The following MGAT4C variants were observed in gnomAD, a reference collection of about 807,000 sequenced individuals.
MGAT4C encodes MGAT4 family member C, also known as alpha-1,3-mannosyl-glycoprotein 4-beta-N-acetylglucosaminyltransferase C.
MGAT4C carries 19 observed loss-of-function variants against 40.1 expected under a neutral mutation model. That is an observed-to-expected ratio of 0.47 (90% confidence interval 0.33 to 0.70). The LOEUF is 0.70. MGAT4C is among the 30% of genes least tolerant of loss of function. The pLI, the probability that MGAT4C is intolerant of heterozygous loss-of-function variation, is 0.02. For missense variants in MGAT4C, 491 were observed against 563.2 expected (o/e 0.87, Z 1.30); for synonymous variants, 181 against 187.1 (o/e 0.97, Z 0.27).
At chr12:86,501,331 ATTTAT>A (rs1049914705) in intron 2 of MGAT4C, among the ~76,000 whole-genome samples, 26 of 152,036 alleles carry the variant, frequency 1.7e-4, no homozygotes, top group East Asian at 1.4e-3. Flanking sequence ...ATGTATTGTT[ATTTAT>A]TTTATTTTAT....
chr12:86,171,976 T>C (rs1483286027), intron 1 of MGAT4C, among the ~76,000 whole-genome samples: 1 of 152,238 alleles, frequency 6.6e-6, no homozygotes, highest in African/African-American at 2.4e-5. Context: ...TGAGCGAGAC[T>C]GGCTTTATAA....
At chr12:86,111,346 C>T (rs1471961670) in intron 1 of MGAT4C, among the ~76,000 whole-genome samples, 2 of 151,740 alleles carry the variant, frequency 1.3e-5, no homozygotes, top group Non-Finnish European at 3.0e-5. Context: ...ATGCAAATAA[C>T]ATCATATCTC....
chr12:86,744,919 T>A (rs1032878357), intron 1 of MGAT4C: 25 of 151,586 alleles, frequency 1.6e-4, no homozygotes, highest in African/African-American at 5.3e-4. Flanking sequence ...AAAATGTGTA[T>A]TGGTTCTGGG....
chr12:86,491,803 A>C (rs1958142175), intron 2 of MGAT4C, among the ~76,000 whole-genome samples: 2 of 151,720 alleles, frequency 1.3e-5, no homozygotes, highest in Non-Finnish European at 2.9e-5. Flanking sequence ...CAGGGCAATT[A>C]GGCAGGAGAA....
chr12:86,643,051 C>T (rs1163892689), intron 2 of MGAT4C, among the ~76,000 whole-genome samples: 2 of 151,602 alleles, frequency 1.3e-5, no homozygotes, highest in Non-Finnish European at 2.9e-5. Flanking sequence ...TGTGCTGTTA[C>T]AGCAGAATAC....
chr12:86,289,791 T>A (rs1953458592), intron 4 of MGAT4C, among the ~76,000 whole-genome samples: 1 of 152,208 alleles, frequency 6.6e-6, no homozygotes, highest in South Asian at 2.1e-4. Flanking sequence ...TATTTTGCTT[T>A]ACTATTTTTA....
intron 4 of MGAT4C, among the ~76,000 whole-genome samples, chr12:86,306,026 T>A (rs1178861072): frequency 6.6e-6 from 1 of 150,560 alleles, no homozygotes; most frequent in Non-Finnish European, 1.5e-5. Flanking sequence ...TCGAGGAAGA[T>A]GGAAAGATAC....
intron 2 of MGAT4C, chr12:86,015,781 T>C (rs771488389): frequency 2.0e-5 from 3 of 152,210 alleles, no homozygotes; most frequent in Non-Finnish European, 2.9e-5. Context: ...ATCTCACATA[T>C]TTTGTAAATG....
At chr12:86,393,402 C>T (rs1011628767) in intron 3 of MGAT4C, among the ~76,000 whole-genome samples, 1 of 152,064 alleles carries the variant, frequency 6.6e-6, no homozygotes, top group African/African-American at 2.4e-5. Flanking sequence ...GGAAGGAATA[C>T]AAGGGATCAT....
chr12:86,730,404 A>AC (rs1950888984), intron 1 of MGAT4C, among the ~76,000 whole-genome samples: 1 of 151,630 alleles, frequency 6.6e-6, no homozygotes. Context: ...AGAAGAAAAA[A>AC]CATGTACAAA....
At chr12:86,541,869 T>C (rs538215486) in intron 2 of MGAT4C, among the ~76,000 whole-genome samples, 1 of 152,304 alleles carries the variant, frequency 6.6e-6, no homozygotes, top group South Asian at 2.1e-4. Flanking sequence ...CCAAATAAAT[T>C]CTATTTCTGT....
intron 1 of MGAT4C, among the ~76,000 whole-genome samples, chr12:86,767,349 C>A (rs900928714): frequency 3.3e-5 from 5 of 152,226 alleles, no homozygotes; most frequent in African/African-American, 7.2e-5. Flanking sequence ...CCAAAACAGG[C>A]TCTGAAATTG....
At chr12:86,658,887 A>G (rs574088077) in intron 2 of MGAT4C, among the ~76,000 whole-genome samples, 78 of 152,196 alleles carry the variant, frequency 5.1e-4, no homozygotes, top group African/African-American at 1.7e-3. Flanking sequence ...GCATCTTCAC[A>G]TTGTTGCCGA....
chr12:86,488,678 T>G (rs1408511802), intron 2 of MGAT4C, among the ~76,000 whole-genome samples: 1 of 152,176 alleles, frequency 6.6e-6, no homozygotes, highest in Non-Finnish European at 1.5e-5. Flanking sequence ...CCGTATTATT[T>G]CTCAGTTGGA....
At chr12:86,162,295 C>G (rs1039930732) in intron 1 of MGAT4C, among the ~76,000 whole-genome samples, 11 of 152,080 alleles carry the variant, frequency 7.2e-5, no homozygotes. Flanking sequence ...ATGTGTACAC[C>G]ATGGAACACT....
intron 2 of MGAT4C, among the ~76,000 whole-genome samples, chr12:86,713,158 TG>T (rs1950588828): frequency 1.3e-5 from 2 of 152,048 alleles, no homozygotes; most frequent in African/African-American, 4.8e-5. Flanking sequence ...ATTCCACTTA[TG>T]TTGAAAATAA....
chr12:86,377,106 G>A (rs1955843095), intron 3 of MGAT4C, among the ~76,000 whole-genome samples: 1 of 149,596 alleles, frequency 6.7e-6, no homozygotes. Flanking sequence ...TGTTGCCCAG[G>A]CTAGAGTGCA....
Position 86,625,559 on chromosome 12 carries a change from T to C in MGAT4C, c.-229+101650A>G, listed in dbSNP as rs370884099. Among the ~76,000 whole-genome samples the C allele has an allele frequency of 1.5e-4, 23 of 152,070 alleles. No homozygotes were observed. In the East Asian group the frequency reaches 3.9e-3, roughly 26 times the overall value. The stretch of plus-strand genomic sequence containing the variant: ...AAACCCTAAGATAGGTCAGTTGAGA[T>C]GAAATCAAAGGAACATAAGAAAATG... On this transcript the variant is annotated intron_variant, in intron 2 of 7. Coordinates refer to the MGAT4C transcript ENST00000548651.
intron 2 of MGAT4C, among the ~76,000 whole-genome samples, chr12:86,446,889 A>G (rs1957351154): frequency 6.6e-6 from 1 of 151,540 alleles, no homozygotes; most frequent in Non-Finnish European, 1.5e-5. Flanking sequence ...AATATATAAA[A>G]ATTGATATTC....
Sources: gnomAD v4.1 joint callset for allele counts (sites outside exome capture counted in the v4.1 genomes callset) on GRCh38, gnomAD v4.1.1 for gene constraint, MANE v1.5 for transcripts, NCBI Gene and HGNC (gene_info 2026-07-23, HGNC 2026-07-21) for gene names.